Variants in BBX observed in about 807,000 individuals in gnomAD.
The protein encoded by BBX is BBX high mobility group box domain containing, also known as HMG box transcription factor BBX.
In BBX, 30 loss-of-function variants were observed where a neutral mutation model predicts 100.2. The observed-to-expected ratio is 0.30, with a 90% confidence interval of 0.22 to 0.41. BBX has a LOEUF of 0.41. Among genes scored for constraint, BBX ranks in the 10% least tolerant of loss-of-function variants. BBX has a pLI of 1.00. For synonymous variants in BBX, 376 were observed against 388.1 expected (o/e 0.97, Z 0.37); for missense variants, 1,023 against 1,129.8 (o/e 0.91, Z 1.35).
intron 3 of BBX, chr3:107,661,974 A>G (rs329926): frequency 0.52 from 452,147 of 864,724 alleles, 121,159 homozygotes; most frequent in East Asian, 0.92. Context: ...TTAAGTGACT[A>G]CTGTTCACGC....
chr3:107,531,209 G>A (rs74581460), intron 2 of BBX, among the ~76,000 whole-genome samples: 2,369 of 152,290 alleles, frequency 0.016, 37 homozygotes, highest in Non-Finnish European at 0.024. Flanking sequence ...CTGTATTTCA[G>A]TCAGTATGTT....
intron 6 of BBX, among the ~76,000 whole-genome samples, chr3:107,729,751 T>C (rs1015139023): frequency 6.6e-6 from 1 of 152,102 alleles, no homozygotes; most frequent in African/African-American, 2.4e-5. Flanking sequence ...GCAAATTTTC[T>C]TCCAAAGCAG....
chr3:107,544,533 G>T (rs1224668556), intron 2 of BBX, among the ~76,000 whole-genome samples: 1 of 152,094 alleles, frequency 6.6e-6, no homozygotes, highest in Non-Finnish European at 1.5e-5. Flanking sequence ...TTTATTGAAT[G>T]TAAAATGCTA....
At chr3:107,561,521 A>G (rs1447690023) in intron 2 of BBX, among the ~76,000 whole-genome samples, 1 of 152,088 alleles carries the variant, frequency 6.6e-6, no homozygotes, top group Non-Finnish European at 1.5e-5. Flanking sequence ...ATTATGGTGT[A>G]TTCACATGAT....
At position 107,688,773 on chromosome 3, in the gene BBX, T is replaced by C. The variant is rs146524723; in HGVS notation, c.-9-21679T>C. ...ATCTCTCTTAATGCTAGTCCATTAA[T>C]AGGTCCTCAAAAGGTTGATTTGGGA... On this transcript the variant is annotated intron_variant, in intron 3 of 17. Coordinates refer to ENST00000325805, the MANE Select transcript of BBX (RefSeq NM_001142568.3). Among the ~76,000 whole-genome samples, 26 of 152,292 alleles carry C rather than the reference T, an allele frequency of 1.7e-4. No homozygotes were observed. In the East Asian group the frequency reaches 4.6e-3, roughly 27 times the overall value.
intron 3 of BBX, among the ~76,000 whole-genome samples, chr3:107,690,089 A>G (rs970278936): frequency 1.3e-5 from 2 of 152,198 alleles, no homozygotes; most frequent in Non-Finnish European, 2.9e-5. Flanking sequence ...TTGTATAAGA[A>G]AATATATTTG....
chr3:107,586,896 G>A (rs993836105), intron 2 of BBX, among the ~76,000 whole-genome samples: 3 of 151,854 alleles, frequency 2.0e-5, no homozygotes, highest in East Asian at 3.9e-4. Context: ...GACTACAGAC[G>A]CATGCCACCA....
chr3:107,649,999 G>T (rs528764888), intron 3 of BBX, among the ~76,000 whole-genome samples: 3 of 152,130 alleles, frequency 2.0e-5, no homozygotes, highest in Non-Finnish European at 2.9e-5. Flanking sequence ...CAAGGTACAA[G>T]AACAGAAAAT....
At chr3:107,786,008 C>T (rs2068381086) in intron 13 of BBX, among the ~76,000 whole-genome samples, 1 of 151,992 alleles carries the variant, frequency 6.6e-6, no homozygotes. Context: ...TTAGATAAAA[C>T]TTAATTATAT....
chr3:107,805,454 G>A lies in BBX; in HGVS notation c.2823G>A (p.Gln941=). Residue 941 remains glutamine, a synonymous_variant, in exon 18 of 18, where the codon CAG becomes CAA. Coordinates refer to ENST00000325805, the MANE Select transcript of BBX (RefSeq NM_001142568.3). ...QAPVLISCAD[Q] ...CTGTACTTATTTCCTGCGCTGACCA[G>A]TGAAGCGCCCTTTCATTGTAAAACA... 1.9e-6 allele frequency: 3 copies of A among 1,614,182 alleles called. No individual in the cohort carries two copies. The highest frequency in any genetic ancestry group is 2.5e-6 in the Non-Finnish European group (3 of 1,179,994).
chr3:107,733,988 C>A (rs1191093232), intron 7 of BBX, among the ~76,000 whole-genome samples: 1 of 152,156 alleles, frequency 6.6e-6, no homozygotes, highest in Non-Finnish European at 1.5e-5. Context: ...TATTTTACCA[C>A]ACTCAGGTTT....
At chr3:107,746,610 C>T (rs1460176640) in intron 8 of BBX, among the ~76,000 whole-genome samples, 1 of 151,892 alleles carries the variant, frequency 6.6e-6, no homozygotes, top group Non-Finnish European at 1.5e-5. Flanking sequence ...CTCAGTCAGT[C>T]TCTCTACTAA....
intron 13 of BBX, among the ~76,000 whole-genome samples, chr3:107,787,881 TA>T (rs1310720067): frequency 2.0e-5 from 3 of 152,170 alleles, no homozygotes; most frequent in African/African-American, 7.2e-5. Flanking sequence ...TCAGAGATCC[TA>T]AAGTCAGGAA....
chr3:107,789,040 A>G (rs1177380238), intron 13 of BBX, among the ~76,000 whole-genome samples: 1 of 152,160 alleles, frequency 6.6e-6, no homozygotes, highest in African/African-American at 2.4e-5. Flanking sequence ...GGGTGGAGGA[A>G]CTGACCAGAT....
rs2071169991 is a variant in BBX, at chr3:107,808,519, G to C, written c.*3062G>C. 6.6e-6 allele frequency: 1 copy of C among 152,116 alleles called. No individual in the cohort carries two copies. The highest frequency in any genetic ancestry group is 2.4e-5 in the African/African-American group (1 of 41,428). 9.4% of individuals were successfully genotyped at this position (152,116 alleles called of 1,614,324 possible). A position where few individuals can be genotyped will look rare whatever the true frequency, so the allele number is the denominator to read the frequency against. On this transcript the variant is annotated 3_prime_UTR_variant, in exon 18 of 18. Coordinates refer to ENST00000325805, the MANE Select transcript of BBX (RefSeq NM_001142568.3). Reference sequence around the variant, plus strand: ...TTTTCTTTAGCCTTTTATTTATTTAGTTATTCTGGGTATTTCCTATGTAAT... The same window carrying C: ...TTTTCTTTAGCCTTTTATTTATTTACTTATTCTGGGTATTTCCTATGTAAT...
chr3:107,729,575 C>T (rs2063179225), intron 6 of BBX, among the ~76,000 whole-genome samples: 1 of 152,122 alleles, frequency 6.6e-6, no homozygotes, highest in Non-Finnish European at 1.5e-5. Flanking sequence ...CATTTATTAC[C>T]ATGAAATAAA....
intron 10 of BBX, among the ~76,000 whole-genome samples, chr3:107,766,079 G>A (rs151090109): frequency 1.3e-5 from 2 of 152,080 alleles, no homozygotes; most frequent in East Asian, 1.9e-4. Flanking sequence ...AAAGTCAAAC[G>A]TATACTTTTG....
Position 107,778,430 on chromosome 3 carries a change from C to T in BBX, c.2114C>T (p.Pro705Leu). ...KKFNSLPQYSPVTFDRKCVPV... is the reference protein window; with the variant it reads ...KKFNSLPQYSLVTFDRKCVPV... ...TTCAACAGCCTCCCTCAATATAGTC[C>T]TGTTACATTTGACCGGAAATGTGTA... is the stretch of plus-strand genomic sequence containing the variant. The change falls in exon 13 of 18, where the codon CCT becomes CTT. Residue 705 changes from proline to leucine, a missense_variant. By Grantham distance (98) the Pro-to-Leu change is moderately conservative. This residue lies in a region of BBX where 215 missense variants were observed against 211.3 expected (regional missense o/e 1.02). Transcript: ENST00000325805. 6.2e-7 allele frequency: 1 copy of T among 1,613,336 alleles called. No homozygotes were observed. The highest frequency in any genetic ancestry group is 8.5e-7 in the Non-Finnish European group (1 of 1,179,520).
intron 17 of BBX, among the ~76,000 whole-genome samples, chr3:107,802,502 T>G (rs1332860929): frequency 6.6e-6 from 1 of 152,208 alleles, no homozygotes; most frequent in African/African-American, 2.4e-5. Flanking sequence ...CAGTCAAGGA[T>G]AGAGGACAAG....
Sources: gnomAD v4.1 joint callset for allele counts (sites outside exome capture counted in the v4.1 genomes callset) on GRCh38, gnomAD v4.1.1 for gene constraint, gnomAD v4.1.1 regional missense constraint, MANE v1.5 for transcripts, NCBI Gene and HGNC (gene_info 2026-07-23, HGNC 2026-07-21) for gene names.